Variants in SPATA18 observed in about 807,000 individuals in gnomAD.
The protein encoded by SPATA18 is mitochondria-eating protein.
In SPATA18, 54 loss-of-function variants were observed where a neutral mutation model predicts 68.1. The ratio of observed to expected loss-of-function variants is 0.79; its 90% CI spans 0.64 to 0.99. The LOEUF (loss-of-function observed/expected upper bound fraction) is 0.99. SPATA18 is among the 50% of genes least tolerant of loss of function. The probability of loss-of-function intolerance (pLI) is 0.00; values close to 1 mark genes in which losing one functional copy is unlikely to be tolerated. For synonymous variants in SPATA18, 242 were observed against 244.8 expected (o/e 0.99, Z 0.11); for missense variants, 724 against 681.1 (o/e 1.06, Z -0.70).
chr4:52,093,245 A>G (rs2109546170), intron 11 of SPATA18, among the ~76,000 whole-genome samples: 1 of 152,320 alleles, frequency 6.6e-6, no homozygotes, highest in South Asian at 2.1e-4. Context: ...ATACAATATG[A>G]TAGTCAATAA....
chr4:52,090,984 G>C (rs1321286438), intron 11 of SPATA18, among the ~76,000 whole-genome samples: 1 of 151,786 alleles, frequency 6.6e-6, no homozygotes, highest in African/African-American at 2.4e-5. Context: ...GGCTTTGTTT[G>C]TTCCTTTTTA....
At chr4:52,073,974 G>T (rs537370084) in intron 6 of SPATA18, among the ~76,000 whole-genome samples, 1 of 152,146 alleles carries the variant, frequency 6.6e-6, no homozygotes, top group East Asian at 1.9e-4. Context: ...TTCTAGCAAC[G>T]ATAGACTTGC....
chr4:52,087,877 C>T (rs1252016426), intron 11 of SPATA18, among the ~76,000 whole-genome samples: 3 of 152,088 alleles, frequency 2.0e-5, no homozygotes, highest in South Asian at 2.1e-4. Flanking sequence ...GCCATTTTCA[C>T]GATATTAACT....
chr4:52,061,929 A>G (rs1461222895), intron 3 of SPATA18, among the ~76,000 whole-genome samples: 1 of 152,234 alleles, frequency 6.6e-6, no homozygotes, highest in Non-Finnish European at 1.5e-5. Flanking sequence ...ATTTATATTC[A>G]GTGAAATCCA....
chr4:52,061,408 G>T (rs567128989), intron 3 of SPATA18, among the ~76,000 whole-genome samples: 1 of 151,842 alleles, frequency 6.6e-6, no homozygotes, highest in Non-Finnish European at 1.5e-5. Context: ...GTTGATAGGT[G>T]CAGCAAACCA....
At chr4:52,093,222 C>T (rs778382268) in intron 11 of SPATA18, among the ~76,000 whole-genome samples, 1 of 152,130 alleles carries the variant, frequency 6.6e-6, no homozygotes. Flanking sequence ...CAAACCAATA[C>T]ATCTATAATA....
chr4:52,066,421 ATTACAGGCG>A (rs1171833481), intron 4 of SPATA18, among the ~76,000 whole-genome samples: 1 of 152,164 alleles, frequency 6.6e-6, no homozygotes, highest in Non-Finnish European at 1.5e-5. Context: ...AAGTGCTGGG[ATTACAGGCG>A]TGAGCCACGG....
In SPATA18 at chr4:52,094,891, C is replaced by T; in HGVS notation, c.*4C>T. The T allele has an allele frequency of 6.2e-7, 1 of 1,614,076 alleles. No homozygotes were observed. ...ATTTTTCTCCCTAGGATTTTAAAAG[C>T]ACCAGACCTGCTCCTTTGACCCAGT... On this transcript the variant is annotated 3_prime_UTR_variant, in exon 13 of 13. Transcript: ENST00000295213.
chr4:52,085,041 G>T, intron 11 of SPATA18, 42 bp downstream of exon 11: 4 of 1,420,306 alleles, frequency 2.8e-6, no homozygotes, highest in Admixed American at 2.5e-5. Flanking sequence ...ATTCATCTAT[G>T]GTTGGCTTTT....
intron 4 of SPATA18, among the ~76,000 whole-genome samples, 164 bp from the exon 5 acceptor site, chr4:52,069,657 C>T (rs1018342793): frequency 4.6e-5 from 7 of 152,212 alleles, no homozygotes; most frequent in African/African-American, 1.7e-4. Context: ...AAGTCCACCA[C>T]AATATTTGCA....
chr4:52,083,987 C>T (rs1317378732), intron 10 of SPATA18, among the ~76,000 whole-genome samples: 5 of 151,162 alleles, frequency 3.3e-5, no homozygotes, highest in Admixed American at 1.3e-4. Context: ...GATCCACCCA[C>T]CTCAGCATCC....
At chr4:52,071,290 T>G (rs1243214143) in intron 5 of SPATA18, among the ~76,000 whole-genome samples, 1 of 152,238 alleles carries the variant, frequency 6.6e-6, no homozygotes, top group Non-Finnish European at 1.5e-5. Context: ...TGTTTTATGG[T>G]GGCCATGCCA....
At chr4:52,062,182 G>A in intron 3 of SPATA18, 38 bp from the exon 4 acceptor site, 2 of 1,161,032 alleles carry the variant, frequency 1.7e-6, no homozygotes, top group Non-Finnish European at 2.4e-6. Context: ...AATGTATTCA[G>A]ACTGTTTTTT....
chr4:52,092,897 A>G (rs1742105944), intron 11 of SPATA18, among the ~76,000 whole-genome samples: 2 of 152,232 alleles, frequency 1.3e-5, no homozygotes, highest in Non-Finnish European at 2.9e-5. Flanking sequence ...ACACAGGAAC[A>G]GAAAACCAAA....
chr4:52,082,217 A>T (rs989630134), intron 9 of SPATA18, among the ~76,000 whole-genome samples, 170 bp from the exon 10 acceptor site: 8 of 152,206 alleles, frequency 5.3e-5, no homozygotes, highest in Non-Finnish European at 1.5e-5. Context: ...GGTCCCAGTT[A>T]TCATTAGTTC....
chr4:52,081,390 T>G (rs1375367763), intron 9 of SPATA18, among the ~76,000 whole-genome samples: 1 of 152,214 alleles, frequency 6.6e-6, no homozygotes, highest in African/African-American at 2.4e-5. Flanking sequence ...CTGGCAGCCT[T>G]TTGTACATTT....
At chr4:52,066,235 A>G (rs1264874747) in intron 4 of SPATA18, among the ~76,000 whole-genome samples, 1 of 151,896 alleles carries the variant, frequency 6.6e-6, no homozygotes, top group African/African-American at 2.4e-5. Flanking sequence ...ACTGCAAGCT[A>G]TGCCTCCTGG....
In SPATA18 at chr4:52,090,775, C is replaced by A. The variant is rs374266459; in HGVS notation, c.1564-3752C>A. 5.3e-5 allele frequency among the ~76,000 whole-genome samples: 8 copies of A among 152,182 alleles called. No homozygotes were observed. The East Asian group carries it at 1.2e-3, about 22-fold the overall frequency. On this transcript the variant is annotated intron_variant, in intron 11 of 12. Coordinates refer to ENST00000295213, the MANE Select transcript of SPATA18 (RefSeq NM_145263.4). ...GACGATTATGTGTCTTGGGGTTGCT[C>A]TTCTTGAAGAGCATCTTTGTGGAGT...
At chr4:52,063,051 A>C (rs1004636148) in intron 4 of SPATA18, among the ~76,000 whole-genome samples, 2 of 152,224 alleles carry the variant, frequency 1.3e-5, no homozygotes, top group African/African-American at 4.8e-5. Context: ...AATATGTATG[A>C]AACTGTGTTT....
Sources: gnomAD v4.1 joint callset for allele counts (sites outside exome capture counted in the v4.1 genomes callset) on GRCh38, gnomAD v4.1.1 for gene constraint, MANE v1.5 for transcripts, NCBI Gene and HGNC (gene_info 2026-07-23, HGNC 2026-07-21) for gene names.